The following SCML4 variants were observed in gnomAD, a reference collection of about 807,000 sequenced individuals.
SCML4 encodes the protein sex comb on midleg-like protein 4.
In SCML4, 34 loss-of-function variants were observed where a neutral mutation model predicts 41.1. That is an observed-to-expected ratio of 0.83 (90% confidence interval 0.63 to 1.10). The LOEUF is 1.10. Ranked by LOEUF, SCML4 falls within the 50% of genes least tolerant of loss-of-function variation. The pLI is 0.00. For missense variants in SCML4, 522 were observed against 534.1 expected (o/e 0.98, Z 0.22); for synonymous variants, 214 against 220.9 (o/e 0.97, Z 0.28).
chr6:107,813,031 T>C (rs886083897), intron 1 of SCML4, among the ~76,000 whole-genome samples: 4 of 151,498 alleles, frequency 2.6e-5, no homozygotes, highest in Non-Finnish European at 4.4e-5. Context: ...TGAAACTTTA[T>C]GTCACATTTA....
chr6:107,763,378 T>C (rs962753670), intron 2 of SCML4, among the ~76,000 whole-genome samples: 6 of 145,810 alleles, frequency 4.1e-5, no homozygotes, highest in Non-Finnish European at 7.7e-5. Flanking sequence ...ATTCATGTTC[T>C]TGTTTTTTTT....
chr6:107,815,961 C>T (rs1554313), intron 1 of SCML4, among the ~76,000 whole-genome samples: 27,274 of 152,186 alleles, frequency 0.18, 2,695 homozygotes, highest in African/African-American at 0.25. Flanking sequence ...TGGAACCTGC[C>T]GGACCTGCAG....
At chr6:107,830,364 C>A in the SCML4 span, among the ~76,000 whole-genome samples, 2 of 151,946 alleles carry the variant, frequency 1.3e-5, no homozygotes, top group Non-Finnish European at 2.9e-5. Context: ...ACATTTTTCT[C>A]AAGGTCTGGC....
the SCML4 span, among the ~76,000 whole-genome samples, chr6:107,844,880 A>G: frequency 7.3e-5 from 11 of 151,682 alleles, no homozygotes; most frequent in Non-Finnish European, 1.2e-4. Flanking sequence ...TAGGCAATAT[A>G]GTAAGACTAC....
At chr6:107,773,167 A>G (rs1780649252) in intron 1 of SCML4, among the ~76,000 whole-genome samples, 1 of 152,252 alleles carries the variant, frequency 6.6e-6, no homozygotes, top group Non-Finnish European at 1.5e-5. Context: ...CAAAAAGTGG[A>G]AGCAGACATG....
At chr6:107,771,815 T>G (rs534939781) in intron 2 of SCML4, among the ~76,000 whole-genome samples, 20 of 152,292 alleles carry the variant, frequency 1.3e-4, no homozygotes, top group Middle Eastern at 6.8e-3. Context: ...GGAAAGTGGC[T>G]TCAAGATTTA....
At chr6:107,821,327 T>A (rs1784929532) in intron 1 of SCML4, among the ~76,000 whole-genome samples, 1 of 152,000 alleles carries the variant, frequency 6.6e-6, no homozygotes, top group African/African-American at 2.4e-5. Context: ...AATGAAAACA[T>A]TAAAAAATGT....
intron 1 of SCML4, among the ~76,000 whole-genome samples, chr6:107,801,351 A>T (rs759433872): frequency 1.2e-4 from 18 of 152,106 alleles, no homozygotes; most frequent in Non-Finnish European, 2.4e-4. Context: ...CTGGCTAGGT[A>T]CATACGAAGT....
Position 107,705,280 on chromosome 6 carries a change from T to C in SCML4, c.1165A>G (p.Met389Val). 3 of 1,551,750 alleles carry C rather than the reference T, an allele frequency of 1.9e-6. No individual in the cohort carries two copies. Among genetic ancestry groups the C allele is most frequent in the Non-Finnish European group, 2.6e-6 (3 of 1,146,794 alleles). The change falls in exon 8 of 8, where the codon ATG becomes GTG. Residue 389 changes from methionine (M) to valine (V), a missense_variant. Transcript: ENST00000369020. ...ALLLLKSDMV[M>V]KYLGLKLGPA... ...CCCAGCTTCAGGCCCAGGTACTTCA[T>C]GACCATGTCACTCTTCAGCAACAGC...
At chr6:107,705,449 T>G in intron 7 of SCML4, 124 bp from the exon 8 acceptor site, 3 of 828,224 alleles carry the variant, frequency 3.6e-6, no homozygotes, top group Non-Finnish European at 5.6e-6. Flanking sequence ...AGGCAGCATA[T>G]TCTCTTGGTC....
chr6:107,773,405 A>G (rs1388241478), intron 1 of SCML4, among the ~76,000 whole-genome samples: 1 of 152,056 alleles, frequency 6.6e-6, no homozygotes, highest in Non-Finnish European at 1.5e-5. Context: ...TAGCCTGGAC[A>G]ACATAGCGAA....
chr6:107,743,190 C>G (rs1182310757), intron 5 of SCML4, among the ~76,000 whole-genome samples: 1 of 152,072 alleles, frequency 6.6e-6, no homozygotes, highest in Non-Finnish European at 1.5e-5. Flanking sequence ...CATGTAAAAA[C>G]CTATAATAGA....
At chr6:107,769,676 T>C (rs981667641) in intron 2 of SCML4, among the ~76,000 whole-genome samples, 1 of 152,164 alleles carries the variant, frequency 6.6e-6, no homozygotes, top group Admixed American at 6.5e-5. Context: ...ATTGATATAA[T>C]AAAATTATGT....
chr6:107,838,730 C>T, the SCML4 span, among the ~76,000 whole-genome samples: 5 of 151,966 alleles, frequency 3.3e-5, no homozygotes, highest in African/African-American at 4.8e-5. Flanking sequence ...CTCCGGGGGA[C>T]GGTTTGGGGA....
At chr6:107,709,318 C>A (rs887975328) in intron 6 of SCML4, among the ~76,000 whole-genome samples, 30 of 152,314 alleles carry the variant, frequency 2.0e-4, no homozygotes, top group African/African-American at 7.2e-4. Context: ...GGAGCTGCCC[C>A]TTGCTGGTGA....
chr6:107,745,153 CAG>C lies in SCML4; in HGVS notation c.488-12_488-11del. The C allele has an allele frequency of 1.3e-6, 2 of 1,553,002 alleles. No homozygotes were observed. The highest frequency in any genetic ancestry group is 2.4e-5 in the East Asian group (1 of 41,508). On this transcript the variant is annotated splice_polypyrimidine_tract_variant and intron_variant, in intron 4 of 7. Transcript: ENST00000369020. ...TCAAAGGAAGCCGAGACTGGAAAAC[CAG>C]AGAGATGTCAGCTTAGAGCCGGGCA...
intron 1 of SCML4, among the ~76,000 whole-genome samples, chr6:107,780,962 T>TG (rs1781443759): frequency 1.2e-5 from 1 of 82,364 alleles, no homozygotes; most frequent in Admixed American, 1.1e-4. Context: ...TAAGCAATGG[T>TG]TTTTTTTTTA....
intron 1 of SCML4, among the ~76,000 whole-genome samples, chr6:107,797,078 A>C (rs1782767706): frequency 6.6e-6 from 1 of 152,170 alleles, no homozygotes; most frequent in Admixed American, 6.5e-5. Flanking sequence ...ATAACTTTAT[A>C]GTAAGTCTTG....
At chr6:107,813,224 G>A (rs1053351138) in intron 1 of SCML4, among the ~76,000 whole-genome samples, 6 of 150,824 alleles carry the variant, frequency 4.0e-5, no homozygotes, top group Non-Finnish European at 7.4e-5. Flanking sequence ...TTAGCTCAGG[G>A]TGGTGGTGGG....
Sources: gnomAD v4.1 joint callset for allele counts (sites outside exome capture counted in the v4.1 genomes callset) on GRCh38, gnomAD v4.1.1 for gene constraint, MANE v1.5 for transcripts, NCBI Gene and HGNC (gene_info 2026-07-23, HGNC 2026-07-21) for gene names.